The following USO1 variants were observed in gnomAD, a reference collection of about 807,000 sequenced individuals.
USO1 encodes the protein USO1 vesicle transport factor, also known as general vesicular transport factor p115.
Under a neutral mutation model 124.5 loss-of-function variants are expected in USO1, and 57 were observed. That is an observed-to-expected ratio of 0.46 (90% CI 0.37 to 0.57). The LOEUF is 0.57. USO1 is among the 20% of genes least tolerant of loss of function. USO1 has a pLI of 0.00. For synonymous variants in USO1, 369 were observed against 362.8 expected, an observed-to-expected ratio of 1.02 and a Z score of -0.19; for missense variants, 900 against 1,040.6, an observed-to-expected ratio of 0.86 and a Z score of 1.86.
At chr4:75,790,385 A>G (rs1385021686) in intron 11 of USO1, 147 bp downstream of exon 11, 3 of 1,238,308 alleles carry the variant, frequency 2.4e-6, no homozygotes. Flanking sequence ...AATGATATTG[A>G]TATTTTAAAA....
At chr4:75,725,431 A>T (rs556555370) in intron 1 of USO1, among the ~76,000 whole-genome samples, 2 of 152,214 alleles carry the variant, frequency 1.3e-5, no homozygotes, top group Non-Finnish European at 2.9e-5. Flanking sequence ...TGTCCCATCA[A>T]CTGGAAGAGC....
chr4:75,758,867 C>G (rs1425995361), intron 4 of USO1, among the ~76,000 whole-genome samples: 1 of 152,110 alleles, frequency 6.6e-6, no homozygotes, highest in African/African-American at 2.4e-5. Flanking sequence ...TACATAGATA[C>G]AATACACACA....
chr4:75,785,988 T>C (rs752209676), intron 9 of USO1, among the ~76,000 whole-genome samples: 1 of 152,164 alleles, frequency 6.6e-6, no homozygotes, highest in Non-Finnish European at 1.5e-5. Flanking sequence ...AATTTATTAA[T>C]GAACCCTCTT....
In USO1 at chr4:75,752,040, A is replaced by G. The variant is rs943684746; in HGVS notation, c.67-333A>G. 3.7e-3 allele frequency among the ~76,000 whole-genome samples: 561 copies of G among 152,306 alleles called. 2 individuals are homozygous for G. Among genetic ancestry groups the G allele is most frequent in the African/African-American group, 0.013 (546 of 41,560 alleles). ...TAACTTTCTGTCTTCTATCATAACC[A>G]TATTGGATTATGCTCCCCTCCTGGT... On this transcript the variant is annotated intron_variant, in intron 1 of 23. Coordinates refer to ENST00000514213, the MANE Select transcript of USO1 (RefSeq NM_003715.4).
intron 12 of USO1, 126 bp downstream of exon 12, chr4:75,790,923 A>C (rs1323267756): frequency 1.8e-5 from 22 of 1,199,606 alleles, no homozygotes; most frequent in East Asian, 2.9e-5. Flanking sequence ...AAAAAAAAAA[A>C]CAAAAACACC....
chr4:75,745,006 C>T (rs1721082829), intron 1 of USO1: 3 of 419,736 alleles, frequency 7.1e-6, no homozygotes, highest in Admixed American at 6.0e-5. Flanking sequence ...TAGGTCTTTC[C>T]GTTATTCCCT....
chr4:75,755,669 C>G (rs377531925), intron 3 of USO1, among the ~76,000 whole-genome samples: 7 of 152,188 alleles, frequency 4.6e-5, no homozygotes, highest in African/African-American at 1.7e-4. Context: ...TTTGAATAAG[C>G]GAATTGGATG....
intron 17 of USO1, among the ~76,000 whole-genome samples, chr4:75,802,252 A>T (rs1038828411): frequency 6.6e-6 from 1 of 152,230 alleles, no homozygotes; most frequent in Non-Finnish European, 1.5e-5. Flanking sequence ...GAATCATCAA[A>T]CTACCTATGG....
At chr4:75,764,614 G>A (rs1721711899) in intron 4 of USO1, among the ~76,000 whole-genome samples, 1 of 152,050 alleles carries the variant, frequency 6.6e-6, no homozygotes, top group South Asian at 2.1e-4. Context: ...AAGTCTATAT[G>A]TGGTTTTTTT....
intron 8 of USO1, 47 bp downstream of exon 8, chr4:75,774,843 G>A: frequency 6.3e-7 from 1 of 1,593,786 alleles, no homozygotes; most frequent in African/African-American, 1.3e-5. Flanking sequence ...TGTACTCACT[G>A]ACTTGTTAGG....
At position 75,730,331 on chromosome 4, in the gene USO1, T is replaced by TA. The variant is rs533472234; in HGVS notation, c.66+5448dup. 3.0e-4 allele frequency among the ~76,000 whole-genome samples: 45 copies of TA among 152,308 alleles called. 1 individual carries two copies. The highest frequency in any genetic ancestry group is 1.3e-3 in the Admixed American group (20 of 15,302). On this transcript the variant is annotated intron_variant, in intron 1 of 23. Transcript: ENST00000514213. ...GCAAAGAAGTGTGTGCAACGACCAC[T>TA]AACAAAGAAAAAACCTCTAGTATTT...
At chr4:75,741,818 G>C (rs1720969530) in intron 1 of USO1, among the ~76,000 whole-genome samples, 1 of 151,944 alleles carries the variant, frequency 6.6e-6, no homozygotes. Context: ...TGGCCAGGCT[G>C]GTGTTGAACT....
chr4:75,785,809 A>G (rs1308405268), intron 9 of USO1, among the ~76,000 whole-genome samples: 3 of 152,140 alleles, frequency 2.0e-5, no homozygotes, highest in African/African-American at 7.2e-5. Context: ...TATTTGTGGT[A>G]CAATTGACAT....
intron 2 of USO1, 21 bp downstream of exon 2, chr4:75,752,480 T>C (rs920909106): frequency 1.1e-4 from 44 of 398,522 alleles, no homozygotes; most frequent in African/African-American, 7.4e-4. Flanking sequence ...TTGTAAATGT[T>C]TTAAGTTTCT....
chr4:75,766,931 G>A (rs1721782320), intron 4 of USO1, among the ~76,000 whole-genome samples: 1 of 152,160 alleles, frequency 6.6e-6, no homozygotes, highest in Non-Finnish European at 1.5e-5. Flanking sequence ...GTAAATGAAT[G>A]GAAATTACCT....
intron 1 of USO1, 167 bp downstream of exon 1, chr4:75,725,052 A>G (rs536621237): frequency 1.8e-4 from 133 of 737,638 alleles, no homozygotes; most frequent in East Asian, 4.5e-4. Flanking sequence ...GAGTTATTCA[A>G]TCACGCCCCC....
intron 13 of USO1, 37 bp downstream of exon 13, chr4:75,793,938 T>C: frequency 1.2e-6 from 2 of 1,611,890 alleles, no homozygotes; most frequent in Non-Finnish European, 1.7e-6. Flanking sequence ...TCTATACATT[T>C]TGATGTCAGT....
At chr4:75,726,630 G>A (rs866028908) in intron 1 of USO1, among the ~76,000 whole-genome samples, 1 of 151,764 alleles carries the variant, frequency 6.6e-6, no homozygotes, top group Non-Finnish European at 1.5e-5. Flanking sequence ...GATGAAAGCC[G>A]GTAAATCTGT....
At chr4:75,762,196 G>C (rs866863575) in intron 4 of USO1, among the ~76,000 whole-genome samples, 2 of 121,392 alleles carry the variant, frequency 1.6e-5, no homozygotes, top group Non-Finnish European at 3.2e-5. Context: ...TTTTGAGACA[G>C]AGTCTCACTC....
Sources: gnomAD v4.1 joint callset for allele counts (sites outside exome capture counted in the v4.1 genomes callset) on GRCh38, gnomAD v4.1.1 for gene constraint, MANE v1.5 for transcripts, NCBI Gene and HGNC (gene_info 2026-07-23, HGNC 2026-07-21) for gene names.